FRMD6: variants seen among roughly 807,000 people sequenced by gnomAD.
FRMD6 encodes FERM domain-containing protein 6.
In FRMD6, 37 loss-of-function variants were observed where a neutral mutation model predicts 73.2. The observed-to-expected ratio is 0.51, with a 90% CI of 0.39 to 0.66. The LOEUF (loss-of-function observed/expected upper bound fraction) is 0.66. FRMD6 is among the 30% of genes least tolerant of loss of function. The probability of loss-of-function intolerance (pLI) is 0.00; values close to 1 mark genes in which losing one functional copy is unlikely to be tolerated. For synonymous variants in FRMD6, 273 were observed against 282.2 expected, an observed-to-expected ratio of 0.97 and a Z score of 0.33; for missense variants, 714 against 780.5, an observed-to-expected ratio of 0.91 and a Z score of 1.02.
At chr14:51,656,614 A>C (rs924388430) in intron 1 of FRMD6, among the ~76,000 whole-genome samples, 3 of 152,014 alleles carry the variant, frequency 2.0e-5, no homozygotes, top group Non-Finnish European at 2.9e-5. Context: ...AGGTTTCACC[A>C]TGTTGGCCAG....
chr14:51,504,762 T>C (rs1041790271), intron 1 of FRMD6, among the ~76,000 whole-genome samples: 3 of 152,172 alleles, frequency 2.0e-5, no homozygotes, highest in Admixed American at 2.0e-4. Context: ...GCATTCCATG[T>C]TGTGGCACAG....
intron 1 of FRMD6, among the ~76,000 whole-genome samples, chr14:51,536,941 C>T (rs1220901336): frequency 1.3e-5 from 2 of 152,110 alleles, no homozygotes; most frequent in African/African-American, 2.4e-5. Flanking sequence ...CTGACTACCC[C>T]CTGCCCCCCA....
intron 3 of FRMD6, 84 bp downstream of exon 3, chr14:51,698,316 T>G: frequency 1.2e-6 from 1 of 829,992 alleles, no homozygotes; most frequent in Non-Finnish European, 1.9e-6. Context: ...AAATTGGGCC[T>G]ATTGTTATAA....
Position 51,497,716 on chromosome 14 carries a change from G to T in FRMD6, c.-210+8296G>T, listed in dbSNP as rs541226149. ...TTAAACTTTTCCATACTACATGTTT[G>T]AAACCCAGCATGTATTTTACACTTA... On this transcript the variant is annotated intron_variant, in intron 1 of 14. Transcript: ENST00000356218. Among the ~76,000 whole-genome samples the T allele has an allele frequency of 2.1e-4, 32 of 152,264 alleles. 1 individual carries two copies. The South Asian group carries it at 2.9e-3, about 14-fold the overall frequency.
chr14:51,435,495 G>A, the FRMD6 span, among the ~76,000 whole-genome samples: 1 of 151,442 alleles, frequency 6.6e-6, no homozygotes, highest in African/African-American at 2.4e-5. Context: ...GGAAGTACAA[G>A]TAAACATTTG....
At chr14:51,503,868 G>A (rs961321656) in intron 1 of FRMD6, among the ~76,000 whole-genome samples, 4 of 150,042 alleles carry the variant, frequency 2.7e-5, no homozygotes, top group African/African-American at 9.8e-5. Flanking sequence ...TTTTTTTGGG[G>A]GGGGGTTTGA....
the FRMD6 span, among the ~76,000 whole-genome samples, chr14:51,418,987 G>T: frequency 0.3 from 45,334 of 152,162 alleles, 7,190 homozygotes; most frequent in African/African-American, 0.4. Context: ...CACCAAGCCA[G>T]GCACGGGATA....
chr14:51,575,467 A>G (rs1264123382), intron 2 of FRMD6, among the ~76,000 whole-genome samples: 2 of 152,210 alleles, frequency 1.3e-5, no homozygotes, highest in African/African-American at 4.8e-5. Context: ...TCCTTGGTTG[A>G]GCTAAGTGGA....
intron 1 of FRMD6, among the ~76,000 whole-genome samples, chr14:51,496,193 C>T (rs17660434): frequency 0.19 from 28,553 of 152,132 alleles, 2,911 homozygotes; most frequent in Non-Finnish European, 0.24. Flanking sequence ...TGACAGTGTT[C>T]CAACTGCAGC....
At chr14:51,502,602 C>A (rs1004795925) in intron 1 of FRMD6, among the ~76,000 whole-genome samples, 1 of 152,120 alleles carries the variant, frequency 6.6e-6, no homozygotes, top group Non-Finnish European at 1.5e-5. Flanking sequence ...GTTACTGTAG[C>A]CTTGTAGTAT....
intron 1 of FRMD6, among the ~76,000 whole-genome samples, chr14:51,540,537 T>C (rs946185340): frequency 5.3e-5 from 8 of 152,134 alleles, no homozygotes; most frequent in Non-Finnish European, 8.8e-5. Context: ...GAGTAGAGGC[T>C]CAATGAAAAT....
chr14:51,696,531 G>A (rs1895951161), intron 2 of FRMD6, among the ~76,000 whole-genome samples: 1 of 151,790 alleles, frequency 6.6e-6, no homozygotes, highest in African/African-American at 2.4e-5. Flanking sequence ...AATTAATATG[G>A]CTTTGTGATT....
Position 51,595,076 on chromosome 14 carries a change from T to C in FRMD6, c.-147+24666T>C, listed in dbSNP as rs116430704. 1.7e-3 allele frequency among the ~76,000 whole-genome samples: 261 copies of C among 152,300 alleles called. 1 individual carries two copies. Among genetic ancestry groups the C allele is most frequent in the African/African-American group, 5.9e-3 (244 of 41,576 alleles). ...GTGCTAGACACCAAAGGAGGGAGCC[T>C]GTAGTTCTCATCCCGTTCTGTGCTA... On this transcript the variant is annotated intron_variant, in intron 2 of 14. Coordinates refer to the FRMD6 transcript ENST00000356218.
the FRMD6 span, among the ~76,000 whole-genome samples, chr14:51,421,321 C>A: frequency 6.6e-6 from 1 of 152,264 alleles, no homozygotes; most frequent in South Asian, 2.1e-4. Context: ...GGATTGAAAG[C>A]AGCAGGAAAA....
At chr14:51,402,651 T>A in the FRMD6 span, among the ~76,000 whole-genome samples, 1 of 151,268 alleles carries the variant, frequency 6.6e-6, no homozygotes, top group Non-Finnish European at 1.5e-5. Flanking sequence ...CTTTTTTTTT[T>A]TTTTTGAGAC....
chr14:51,490,766 G>T (rs1366598545), intron 1 of FRMD6, among the ~76,000 whole-genome samples: 1 of 152,132 alleles, frequency 6.6e-6, no homozygotes, highest in Non-Finnish European at 1.5e-5. Flanking sequence ...TACCGAAACT[G>T]CTTGTGTACT....
intron 2 of FRMD6, among the ~76,000 whole-genome samples, chr14:51,693,837 G>A (rs1186914884): frequency 6.6e-6 from 1 of 152,084 alleles, no homozygotes; most frequent in Non-Finnish European, 1.5e-5. Flanking sequence ...TCCAGTAAGC[G>A]GTTGGACCAA....
At chr14:51,553,789 GA>G (rs1351649148) in intron 1 of FRMD6, among the ~76,000 whole-genome samples, 5 of 152,190 alleles carry the variant, frequency 3.3e-5, no homozygotes, top group African/African-American at 4.8e-5. Context: ...ATAGCTAAGA[GA>G]AGACGGTGGA....
intron 1 of FRMD6, among the ~76,000 whole-genome samples, chr14:51,666,150 A>G (rs1893575443): frequency 6.6e-6 from 1 of 152,210 alleles, no homozygotes. Context: ...TTAATTTACT[A>G]TGCCATTTCC....
Sources: allele counts gnomAD v4.1 joint callset (sites outside exome capture counted in the v4.1 genomes callset), GRCh38; gene constraint gnomAD v4.1.1; transcripts MANE v1.5; gene names NCBI Gene and HGNC (gene_info 2026-07-23, HGNC 2026-07-21).